The following ARHGEF28 variants were observed in gnomAD, a reference collection of about 807,000 sequenced individuals.
ARHGEF28 encodes the protein 190 kDa guanine nucleotide exchange factor.
ARHGEF28 carries 152 observed loss-of-function variants against 206.6 expected under a neutral mutation model. The observed-to-expected ratio is 0.74, with a 90% CI of 0.64 to 0.84. The LOEUF (loss-of-function observed/expected upper bound fraction) is 0.84. ARHGEF28 is among the 40% of genes least tolerant of loss of function. ARHGEF28 has a pLI of 0.00. For synonymous variants in ARHGEF28, 763 were observed against 776.4 expected (o/e 0.98, Z 0.29); for missense variants, 2,028 against 2,073.2 (o/e 0.98, Z 0.42).
chr5:73,869,051 G>T (rs1759896078), intron 20 of ARHGEF28, among the ~76,000 whole-genome samples: 1 of 151,962 alleles, frequency 6.6e-6, no homozygotes, highest in South Asian at 2.1e-4. Flanking sequence ...AATGGAAGGA[G>T]AGTAGTGACA....
intron 9 of ARHGEF28, among the ~76,000 whole-genome samples, chr5:73,796,243 G>A (rs186176134): frequency 6.6e-5 from 10 of 152,340 alleles, no homozygotes; most frequent in African/African-American, 2.4e-4. Flanking sequence ...AGGCAGATGA[G>A]CACGAACCAC....
In ARHGEF28 at chr5:73,882,552, T is replaced by A; in HGVS notation, c.2895T>A (p.Phe965Leu). The A allele has an allele frequency of 6.6e-7, 1 of 1,519,110 alleles. No individual in the cohort carries two copies. The highest frequency in any genetic ancestry group is 8.9e-7 in the Non-Finnish European group (1 of 1,128,392). 94.1% of individuals were successfully genotyped at this position (1,519,110 alleles called of 1,614,324 possible). A position where few individuals can be genotyped will look rare whatever the true frequency, so the allele number is the denominator to read the frequency against. Residue 965 changes from phenylalanine to leucine, a missense_variant, in exon 23 of 36, where the codon TTT (phenylalanine) becomes TTA (leucine). Physicochemically the swap from Phe to Leu is conservative, Grantham distance 22. Around this residue, in one of 3 missense-constraint regions of ARHGEF28, gnomAD observed 223 missense variants for 289.9 expected, o/e 0.77. Coordinates refer to ENST00000513042, the MANE Select transcript of ARHGEF28 (RefSeq NM_001177693.2). ...CCHHKEAVNL[F>L]KELQQNKKFQ... ...ATCATAAAGAAGCTGTTAACCTCTT[T>A]AAAGAACTCCAGCAGAATAAAAAGT...
intron 1 of ARHGEF28, among the ~76,000 whole-genome samples, chr5:73,639,156 G>T (rs376488101): frequency 2.0e-4 from 30 of 151,004 alleles, no homozygotes; most frequent in African/African-American, 6.6e-4. Context: ...ATGTCTTAAG[G>T]CCAAACTTAC....
At chr5:73,758,383 G>C (rs1010725075) in intron 4 of ARHGEF28, among the ~76,000 whole-genome samples, 1 of 152,144 alleles carries the variant, frequency 6.6e-6, no homozygotes, top group Non-Finnish European at 1.5e-5. Flanking sequence ...TTTTTTGCCA[G>C]AGTAAATTAC....
intron 34 of ARHGEF28, among the ~76,000 whole-genome samples, chr5:73,910,125 A>G: frequency 6.6e-6 from 1 of 152,116 alleles, no homozygotes; most frequent in Middle Eastern, 3.2e-3. Context: ...TCATGCCTGT[A>G]ATCCCAGAAC....
chr5:73,868,225 A>G lies in ARHGEF28; in HGVS notation c.2423A>G (p.Glu808Gly). Residue 808 changes from glutamate to glycine, a missense_variant and splice_region_variant, in exon 20 of 36, where the codon GAA becomes GGA. Physicochemically the swap from Glu to Gly is moderately conservative, Grantham distance 98. Transcript: ENST00000513042. ...SSPSTESFIMEDVVDSSLWSD... is the reference protein window; with the variant it reads ...SSPSTESFIMGDVVDSSLWSD... ...CCCTCTACAGAGTCTTTCATAATGG[A>G]AGGTGAGGAGAAGACACACTTCCAT... 1 of 1,578,464 alleles carries G rather than the reference A, an allele frequency of 6.3e-7. No individual in the cohort carries two copies. Among genetic ancestry groups the G allele is most frequent in the Middle Eastern group, 1.7e-4 (1 of 5,778 alleles).
chr5:73,835,106 T>G (rs1289212909), intron 10 of ARHGEF28: 2 of 152,188 alleles, frequency 1.3e-5, no homozygotes, highest in African/African-American at 4.8e-5. Context: ...GAGGAGGGGC[T>G]GAAGGTTAAA....
At chr5:73,926,193 T>C (rs1281477943) in intron 35 of ARHGEF28, among the ~76,000 whole-genome samples, 1 of 152,192 alleles carries the variant, frequency 6.6e-6, no homozygotes, top group Non-Finnish European at 1.5e-5. Context: ...CATTCTGACA[T>C]CTCTACTACT....
intron 2 of ARHGEF28, among the ~76,000 whole-genome samples, chr5:73,736,829 A>G (rs1218908927): frequency 7.1e-6 from 1 of 141,088 alleles, no homozygotes; most frequent in Non-Finnish European, 1.6e-5. Flanking sequence ...TTATGGGACC[A>G]TTGAAAGTTG....
intron 3 of ARHGEF28, 149 bp from the exon 4 acceptor site, chr5:73,752,760 T>C (rs1414966311): frequency 1.2e-6 from 1 of 825,774 alleles, no homozygotes; most frequent in African/African-American, 1.7e-5. Context: ...CTTGGCAGTG[T>C]GTAAGGGTAA....
At chr5:73,738,000 T>G (rs1164015478) in intron 2 of ARHGEF28, among the ~76,000 whole-genome samples, 1 of 152,172 alleles carries the variant, frequency 6.6e-6, no homozygotes, top group Non-Finnish European at 1.5e-5. Flanking sequence ...CTACAGGACC[T>G]GAAAGCGCTC....
At chr5:73,817,083 C>G (rs1206449925) in intron 9 of ARHGEF28, among the ~76,000 whole-genome samples, 1 of 152,204 alleles carries the variant, frequency 6.6e-6, no homozygotes, top group African/African-American at 2.4e-5. Flanking sequence ...GTCATTCAAT[C>G]TTTAAAATGC....
intron 2 of ARHGEF28, among the ~76,000 whole-genome samples, chr5:73,719,003 C>T (rs1749755375): frequency 6.6e-6 from 1 of 152,214 alleles, no homozygotes; most frequent in Non-Finnish European, 1.5e-5. Flanking sequence ...GCCACTCACT[C>T]AGAAGTGTGT....
intron 34 of ARHGEF28, 58 bp from the exon 35 acceptor site, chr5:73,911,217 T>C (rs1427064735): frequency 3.5e-6 from 5 of 1,430,080 alleles, no homozygotes; most frequent in Non-Finnish European, 4.7e-6. Flanking sequence ...ATAAATACTT[T>C]ATGAAACTTG....
At chr5:73,865,871 A>G in intron 17 of ARHGEF28, 94 bp from the exon 18 acceptor site, 2 of 902,032 alleles carry the variant, frequency 2.2e-6, no homozygotes, top group Non-Finnish European at 3.4e-6. Context: ...AAAATGATAT[A>G]GATAAGAATT....
At chr5:73,869,733 C>G (rs1487330827) in intron 20 of ARHGEF28, among the ~76,000 whole-genome samples, 1 of 151,926 alleles carries the variant, frequency 6.6e-6, no homozygotes, top group Non-Finnish European at 1.5e-5. Context: ...ATGGTGAAAC[C>G]CCATCTCTAC....
Position 73,894,503 on chromosome 5 carries a change from CACCTCCTTATTAAACCTG to C in ARHGEF28, c.3773_3790del (p.Leu1258_Asp1263del). 6.2e-7 allele frequency: 1 copy of C among 1,613,960 alleles called. No homozygotes were observed. Among genetic ancestry groups the C allele is most frequent in the Non-Finnish European group, 8.5e-7 (1 of 1,179,892 alleles). On this transcript the variant is annotated inframe_deletion, in exon 29 of 36. Coordinates refer to ENST00000513042, the MANE Select transcript of ARHGEF28 (RefSeq NM_001177693.2). ...ATTTGAGGACGTCCATCTAGAGCCC[CACCTCCTTATTAAACCTG>C]ACCCAGGCGAGCCTCCCCAGGCAGC...
At chr5:73,713,887 G>C (rs1749411523) in intron 2 of ARHGEF28, among the ~76,000 whole-genome samples, 1 of 152,182 alleles carries the variant, frequency 6.6e-6, no homozygotes, top group African/African-American at 2.4e-5. Context: ...GAGAGAAAGA[G>C]AGGAAATATT....
At chr5:73,772,116 T>C (rs75750487) in intron 4 of ARHGEF28, among the ~76,000 whole-genome samples, 4,082 of 152,286 alleles carry the variant, frequency 0.027, 69 homozygotes, top group Non-Finnish European at 0.041. Context: ...GATATAGATA[T>C]ATAAATAATT....
Sources: allele counts gnomAD v4.1 joint callset (sites outside exome capture counted in the v4.1 genomes callset), GRCh38; gene constraint gnomAD v4.1.1; regional missense constraint gnomAD v4.1.1; transcripts MANE v1.5; gene names NCBI Gene and HGNC (gene_info 2026-07-23, HGNC 2026-07-21).